Variants in FCSK observed in about 807,000 individuals in gnomAD.
FCSK encodes L-fucose kinase.
Under a neutral mutation model 122.5 loss-of-function variants are expected in FCSK, and 123 were observed. The observed-to-expected ratio is 1.00, with a 90% CI of 0.87 to 1.17. The LOEUF (loss-of-function observed/expected upper bound fraction) is 1.17. FCSK is among the 50% of genes most tolerant of loss of function. FCSK has a pLI of 0.00. For missense variants in FCSK, 1,366 were observed against 1,450.4 expected (o/e 0.94, Z 0.95); for synonymous variants, 620 against 625.5 (o/e 0.99, Z 0.13).
Position 70,469,304 on chromosome 16 carries a change from C to T in FCSK, c.936C>T (p.Arg312=), listed in dbSNP as rs746249162. The change falls in exon 10 of 24, where the codon CGC becomes CGT. Residue 312 remains arginine (R), a synonymous_variant. Coordinates refer to ENST00000288078, the MANE Select transcript of FCSK (RefSeq NM_145059.3). ...SARAQLWREL[R]DQPLTMAYVS... ...GGGCCCAGCTGTGGAGGGAGCTTCG[C>T]GATCAGCCCCTTACCATGGGTGGGT... is the stretch of plus-strand genomic sequence containing the variant. The T allele has an allele frequency of 2.9e-5, 47 of 1,604,186 alleles. No individual in the cohort carries two copies. Among genetic ancestry groups the T allele is most frequent in the African/African-American group, 6.7e-5 (5 of 74,846 alleles).
At chr16:70,472,663 C>T (rs1358556500) in intron 14 of FCSK, 58 bp downstream of exon 14, 5 of 1,375,142 alleles carry the variant, frequency 3.6e-6, no homozygotes, top group Non-Finnish European at 5.1e-6. Context: ...GGCTGCTGCT[C>T]TTTGAGGTGT....
chr16:70,475,054 G>A (rs755358536), intron 18 of FCSK, 43 bp downstream of exon 18: 1 of 1,517,336 alleles, frequency 6.6e-7, no homozygotes, highest in Non-Finnish European at 8.9e-7. Flanking sequence ...TGGCCAGCTG[G>A]GGGCTCGGGG....
chr16:70,479,511 G>A (rs1176747483), intron 23 of FCSK, 68 bp from the exon 24 acceptor site: 7 of 1,511,620 alleles, frequency 4.6e-6, no homozygotes, highest in East Asian at 2.3e-5. Context: ...GGTCCTGCAG[G>A]CCCAGTCCAG....
Position 70,478,559 on chromosome 16 carries a change from G to A in FCSK, c.2838G>A (p.Leu946=), listed in dbSNP as rs370345204. 3.1e-6 allele frequency: 5 copies of A among 1,613,646 alleles called. No homozygotes were observed. Among genetic ancestry groups the A allele is most frequent in the African/African-American group, 2.7e-5 (2 of 74,944 alleles). ...TCCTGCCCCGTCCGCAGGATGTGCT[G>A]AGGAGCTGGTATGCCCGACTTCCTG... ...RLARNLLQDV[L]RSWYARLPAV... Residue 946 remains leucine, a synonymous_variant, in exon 22 of 24, where the codon CTG becomes CTA. Coordinates refer to ENST00000288078, the MANE Select transcript of FCSK (RefSeq NM_145059.3).
intron 14 of FCSK, 31 bp downstream of exon 14, chr16:70,472,636 G>T: frequency 6.4e-7 from 1 of 1,556,978 alleles, no homozygotes; most frequent in Admixed American, 1.7e-5. Flanking sequence ...GCCTCTGTGG[G>T]CCTGGGCAGC....
chr16:70,473,331 C>T lies in FCSK; in HGVS notation c.1755C>T (p.Pro585=), dbSNP rs931262063. The T allele has an allele frequency of 1.3e-6, 2 of 1,510,072 alleles. No individual in the cohort carries two copies. Among genetic ancestry groups the T allele is most frequent in the Non-Finnish European group, 1.8e-6 (2 of 1,125,782 alleles). 93.5% of individuals were successfully genotyped at this position (1,510,072 alleles called of 1,614,324 possible). Residue 585 remains proline, a synonymous_variant, in exon 15 of 24, where the codon CCC becomes CCT. Transcript: ENST00000288078. The surrounding 1 kb of genome is among the most constrained non-coding windows in gnomAD (Gnocchi z 4.9). ...CTGTCCGCGAGGGCTGCCCCGGGCC[C>T]CTGCTGGCCACGCTGGACCAGGGTG... ...WAAVREGCPG[P]LLATLDQVAA...
At chr16:70,455,998 C>T (rs2048084432) in intron 1 of FCSK, among the ~76,000 whole-genome samples, 1 of 151,614 alleles carries the variant, frequency 6.6e-6, no homozygotes, top group Admixed American at 6.6e-5. Flanking sequence ...GCCTGGGCAA[C>T]AAAGGGAGGC....
chr16:70,475,586 G>A, intron 19 of FCSK, 62 bp from the exon 20 acceptor site: 1 of 1,578,716 alleles, frequency 6.3e-7, no homozygotes, highest in Non-Finnish European at 8.6e-7. Flanking sequence ...CTTAGACGGA[G>A]TCAGGCAGGC....
chr16:70,460,353 C>T (rs1441774098), intron 1 of FCSK, among the ~76,000 whole-genome samples: 2 of 149,732 alleles, frequency 1.3e-5, no homozygotes, highest in African/African-American at 4.9e-5. Context: ...CCTTGTGATC[C>T]ACCCTCCTCG....
rs2048788758 is a variant in FCSK, at chr16:70,475,736, AGT to A, written c.2612_2613del (p.Val871AlafsTer46). ...TGGGCACGGAAGCCCTGATCCACGCAGTGCTGCACCTGGAGCAGGTGCTCACC... is the reference window on the plus strand; with the variant it reads ...TGGGCACGGAAGCCCTGATCCACGCAGCTGCACCTGGAGCAGGTGCTCACC... The part of the protein sequence containing the change: ...VVGTEALIHA[V>X]LHLEQVLTTG... On this transcript the variant is annotated frameshift_variant, in exon 20 of 24. Coordinates refer to ENST00000288078, the MANE Select transcript of FCSK (RefSeq NM_145059.3). LOFTEE classifies it high-confidence loss of function. 3 of 1,596,956 alleles carry A rather than the reference AGT, an allele frequency of 1.9e-6. No individual in the cohort carries two copies. The highest frequency in any genetic ancestry group is 2.6e-6 in the Non-Finnish European group (3 of 1,170,578).
chr16:70,464,388 A>C (rs889276110), intron 3 of FCSK, among the ~76,000 whole-genome samples: 7 of 152,152 alleles, frequency 4.6e-5, no homozygotes, highest in African/African-American at 1.4e-4. Context: ...GCGGTGGCTC[A>C]TGCCTTTAAT....
chr16:70,465,164 C>G lies in FCSK; in HGVS notation c.273C>G (p.Leu91=). ...TSDVLHSAWI[L]ILHMGRDFPF... is the part of the protein sequence containing the mutation. ...ATGTCCTGCACTCGGCCTGGATCCT[C>G]ATTCTGCACATGGTAAATGAACTTT... The change falls in exon 4 of 24, where the codon CTC becomes CTG. Residue 91 remains leucine (L), a synonymous_variant. Transcript: ENST00000288078. 6.2e-7 allele frequency: 1 copy of G among 1,612,764 alleles called. No individual in the cohort carries two copies. The highest frequency in any genetic ancestry group is 8.5e-7 in the Non-Finnish European group (1 of 1,179,088).
At chr16:70,468,077 G>A in intron 8 of FCSK, 111 bp downstream of exon 8, 3 of 817,744 alleles carry the variant, frequency 3.7e-6, no homozygotes, top group Non-Finnish European at 6.2e-6. Flanking sequence ...GCTAGAGCTA[G>A]AATCTGAGGA....
intron 1 of FCSK, among the ~76,000 whole-genome samples, chr16:70,459,321 G>T (rs773321023): frequency 1.2e-4 from 18 of 152,088 alleles, no homozygotes; most frequent in Non-Finnish European, 2.1e-4. Flanking sequence ...TGGATCACCT[G>T]AGGTCAAAAG....
chr16:70,456,813 G>C (rs1182539233), intron 1 of FCSK, among the ~76,000 whole-genome samples: 1 of 152,172 alleles, frequency 6.6e-6, no homozygotes, highest in Non-Finnish European at 1.5e-5. Flanking sequence ...AAGGTCAGGA[G>C]TTTGAGACCA....
chr16:70,464,966 G>A (rs774342724), intron 3 of FCSK, 160 bp from the exon 4 acceptor site: 5 of 1,510,210 alleles, frequency 3.3e-6, no homozygotes, highest in Non-Finnish European at 4.5e-6. Context: ...GAGGGACCAG[G>A]GCTGCCCCTT....
intron 10 of FCSK, among the ~76,000 whole-genome samples, chr16:70,469,888 AG>A (rs2048555566): frequency 6.9e-6 from 1 of 144,456 alleles, no homozygotes; most frequent in South Asian, 2.2e-4. Flanking sequence ...TCTGTTGCCC[AG>A]GCTGGAGTGC....
At position 70,470,989 on chromosome 16, in the gene FCSK, G is replaced by A. The variant is rs1195778545; in HGVS notation, c.1087G>A (p.Ala363Thr). Residue 363 changes from alanine to threonine, a missense_variant, in exon 12 of 24, where the codon GCC (alanine) becomes ACC (threonine). Physicochemically the swap from Ala to Thr is moderately conservative, Grantham distance 58. Coordinates refer to ENST00000288078, the MANE Select transcript of FCSK (RefSeq NM_145059.3). ...SQVEEQQLLA[A>T]GSSVVSCLLE... ...TGCACAGGAGCAGCAGCTTCTGGCG[G>A]CCGGGAGCTCTGTGGTCAGCTGCCT... 4 of 1,594,082 alleles carry A rather than the reference G, an allele frequency of 2.5e-6. No individual in the cohort carries two copies. The highest frequency in any genetic ancestry group is 2.3e-5 in the South Asian group (2 of 88,316).
At chr16:70,476,589 A>T (rs1233443276) in intron 20 of FCSK, among the ~76,000 whole-genome samples, 1 of 151,730 alleles carries the variant, frequency 6.6e-6, no homozygotes, top group Non-Finnish European at 1.5e-5. Flanking sequence ...GCCAGTGTAG[A>T]GCAGCTACAG....
Sources: gnomAD v4.1 joint callset for allele counts (sites outside exome capture counted in the v4.1 genomes callset) on GRCh38, gnomAD v4.1.1 for gene constraint, Gnocchi (gnomAD v3.1) non-coding constraint, MANE v1.5 for transcripts, NCBI Gene and HGNC (gene_info 2026-07-23, HGNC 2026-07-21) for gene names.